ZAN: variants seen among roughly 807,000 people sequenced by gnomAD.
The protein encoded by ZAN is zonadhesin (gene/pseudogene).
Under a neutral mutation model 286.2 loss-of-function variants are expected in ZAN, and 260 were observed. The observed-to-expected ratio is 0.91, with a 90% CI of 0.82 to 1.01. The LOEUF is 1.01. Among genes scored for constraint, ZAN ranks in the 50% least tolerant of loss-of-function variants. The pLI is 0.00. For missense variants in ZAN, 3,410 were observed against 3,639.2 expected (o/e 0.94, Z 1.62); for synonymous variants, 1,368 against 1,417.5 (o/e 0.97, Z 0.79).
At position 100,775,401 on chromosome 7, in the gene ZAN, C is replaced by G; in HGVS notation, c.5853C>G (p.Asp1951Glu). The change falls in exon 32 of 48, where the codon GAC becomes GAG. Residue 1951 changes from aspartate (D) to glutamate (E), a missense_variant. By Grantham distance (45) the Asp-to-Glu change is conservative. Transcript: ENST00000613979. ...ATGGTAGTAACCATTCTATCCCGGACGCCTGCACTCTTGTCCTGGTGAAAG... is the reference window on the plus strand; with the variant it reads ...ATGGTAGTAACCATTCTATCCCGGAGGCCTGCACTCTTGTCCTGGTGAAAG... ...SFDGSNHSIP[D>E]ACTLVLVKVC... The G allele has an allele frequency of 6.2e-7, 1 of 1,613,956 alleles. No homozygotes were observed.
chr7:100,795,483 T>G (rs1812303376), intron 45 of ZAN, 147 bp downstream of exon 45: 1 of 785,344 alleles, frequency 1.3e-6, no homozygotes, highest in Non-Finnish European at 1.7e-6. Flanking sequence ...AACATAACAA[T>G]TTGTAGCTAT....
Position 100,787,995 on chromosome 7 carries a change from CG to C in ZAN, c.7087del (p.Val2363TyrfsTer29). 6.4e-7 allele frequency: 1 copy of C among 1,564,444 alleles called. No homozygotes were observed. The highest frequency in any genetic ancestry group is 8.7e-7 in the Non-Finnish European group (1 of 1,145,276). On this transcript the variant is annotated frameshift_variant, in exon 38 of 48. Coordinates refer to ENST00000613979, the MANE Select transcript of ZAN (RefSeq NM_003386.3). LOFTEE classifies it high-confidence loss of function. The part of the protein sequence containing the change: ...MTYVLIKTVD[V>X]LPEGVEPLLV... ...CCTATGTTCTGATCAAGACTGTGGACGTACTGCCTGAGGGGGTGGAGCCCCT... is the reference window on the plus strand; with the variant it reads ...CCTATGTTCTGATCAAGACTGTGGACTACTGCCTGAGGGGGTGGAGCCCCT...
chr7:100,793,864 C>T lies in ZAN; in HGVS notation c.7832C>T (p.Thr2611Ile). Residue 2611 changes from threonine to isoleucine, a missense_variant, in exon 43 of 48, where the codon ACC becomes ATC. Thr to Ile is a moderately conservative substitution (Grantham distance 89, BLOSUM62 -1). Coordinates refer to ENST00000613979, the MANE Select transcript of ZAN (RefSeq NM_003386.3). Reference sequence around the variant, plus strand: ...TACCATATATCAGAGCTGTATGACACCCTGCCCAGCATCCTGTGCCAACCT... The same window carrying T: ...TACCATATATCAGAGCTGTATGACATCCTGCCCAGCATCCTGTGCCAACCT... ...SRYHISELYD[T>I]LPSILCQPGR... The T allele has an allele frequency of 1.2e-6, 2 of 1,613,252 alleles. No homozygotes were observed. The highest frequency in any genetic ancestry group is 2.7e-5 in the African/African-American group (2 of 75,050).
rs2116268030 is a variant in ZAN, at chr7:100,784,801, T to C, written c.6801T>C (p.Cys2267=). The change falls in exon 36 of 48, where the codon TGT becomes TGC. Residue 2267 remains cysteine, a synonymous_variant. Transcript: ENST00000613979. ...SEDKCVPRSQ[C]GCKDAHGGSI... Reference sequence around the variant, plus strand: ...ACAAGTGTGTCCCCAGAAGTCAGTGTGGCTGCAAGGATGCCCATGGTGGCT... The same window carrying C: ...ACAAGTGTGTCCCCAGAAGTCAGTGCGGCTGCAAGGATGCCCATGGTGGCT... The C allele has an allele frequency of 1.2e-6, 2 of 1,608,530 alleles. No homozygotes were observed. The highest frequency in any genetic ancestry group is 8.5e-7 in the Non-Finnish European group (1 of 1,176,206).
In ZAN at chr7:100,758,097, T is replaced by G. The variant is rs1584578601; in HGVS notation, c.3310-105T>G. 50 of 484,656 alleles carry G rather than the reference T, an allele frequency of 1.0e-4. 1 individual carries two copies. The East Asian group carries it at 5.6e-3, about 54-fold the overall frequency. 30.0% of individuals were successfully genotyped at this position (484,656 alleles called of 1,614,324 possible). The stretch of plus-strand genomic sequence containing the variant: ...CAAGACTCCATCACAAATAAATAAA[T>G]AAATAAATAAATAAATAAATAAATA... On this transcript the variant is annotated intron_variant, in intron 15 of 47. Coordinates refer to ENST00000613979, the MANE Select transcript of ZAN (RefSeq NM_003386.3).
At position 100,748,174 on chromosome 7, in the gene ZAN, C is replaced by T; in HGVS notation, c.1061C>T (p.Pro354Leu). 1 of 1,613,842 alleles carries T rather than the reference C, an allele frequency of 6.2e-7. No individual in the cohort carries two copies. Among genetic ancestry groups the T allele is most frequent in the Non-Finnish European group, 8.5e-7 (1 of 1,179,866 alleles). Residue 354 changes from proline (P) to leucine (L), a missense_variant, in exon 10 of 48, where the codon CCA (proline) becomes CTA (leucine). Physicochemically the swap from Pro to Leu is moderately conservative, Grantham distance 98 (BLOSUM62 -3). Around this residue, in one of 7 missense-constraint regions of ZAN, gnomAD observed 872 missense variants for 938.9 expected, o/e 0.93. Transcript: ENST00000613979. ...VVGVFGKTPE[P>L]AVAVDATSIA... ...GGCGTTTTTGGAAAGACCCCAGAGC[C>T]AGCTGTGGCAGTTGATGCAACCAGC...
rs1812007547 is a variant in ZAN at position 100,792,071 on chromosome 7, G to A, written c.7635G>A (p.Gln2545=). ...AGCAGCTGGCGAGCAACAGCACCCA[G>A]GCCTGTAGGGTGCTGGCAGACCCCC... is the stretch of plus-strand genomic sequence containing the variant. ...SPEQLASNST[Q]ACRVLADPQG... Residue 2545 remains glutamine (Q), a synonymous_variant, in exon 41 of 48, where the codon CAG becomes CAA. Transcript: ENST00000613979. The A allele has an allele frequency of 6.2e-7, 1 of 1,613,042 alleles. No individual in the cohort carries two copies. Among genetic ancestry groups the A allele is most frequent in the Non-Finnish European group, 8.5e-7 (1 of 1,179,778 alleles).
intron 36 of ZAN, among the ~76,000 whole-genome samples, chr7:100,785,427 C>T (rs1811496962): frequency 6.6e-6 from 1 of 151,986 alleles, no homozygotes; most frequent in Non-Finnish European, 1.5e-5. Flanking sequence ...GATTGGGTTT[C>T]ACCATGTTGG....
chr7:100,750,578 T>A (rs761686197), intron 11 of ZAN, 47 bp from the exon 12 acceptor site: 20 of 1,596,684 alleles, frequency 1.3e-5, no homozygotes, highest in Non-Finnish European at 1.7e-5. Flanking sequence ...GCAGTTGGCA[T>A]GTCCTGTGCA....
rs1304941705 is a variant in ZAN, at chr7:100,786,025, G to C, written c.6863G>C (p.Cys2288Ser). 5 of 1,613,934 alleles carry C rather than the reference G, an allele frequency of 3.1e-6. No homozygotes were observed. The highest frequency in any genetic ancestry group is 3.4e-6 in the Non-Finnish European group (4 of 1,179,898). The stretch of plus-strand genomic sequence containing the variant: ...GGCAAGAGCTGGGTCTCCAGCGGTT[G>C]CACGGAGAAGTGTGTCTGCACGGGA... ...PLGKSWVSSG[C>S]TEKCVCTGGA... is the part of the protein sequence containing the mutation. The change falls in exon 37 of 48, where the codon TGC becomes TCC. Residue 2288 changes from cysteine (C) to serine (S), a missense_variant. Around this residue, in one of 7 missense-constraint regions of ZAN, gnomAD observed 1,289 missense variants for 1,314.3 expected, o/e 0.98. Coordinates refer to ENST00000613979, the MANE Select transcript of ZAN (RefSeq NM_003386.3).
chr7:100,748,266 G>T, intron 10 of ZAN, 51 bp downstream of exon 10: 3 of 1,613,834 alleles, frequency 1.9e-6, no homozygotes, highest in South Asian at 1.1e-5. Context: ...GGGGTGGGCT[G>T]GGGGAGGGCT....
chr7:100,788,852 C>G (rs1431403273), intron 38 of ZAN, among the ~76,000 whole-genome samples: 2 of 152,122 alleles, frequency 1.3e-5, no homozygotes, highest in Non-Finnish European at 2.9e-5. Flanking sequence ...GTGTGCACCA[C>G]CATGTCTGGC....
chr7:100,774,718 C>A (rs926958824), intron 31 of ZAN, among the ~76,000 whole-genome samples: 1 of 151,194 alleles, frequency 6.6e-6, no homozygotes, highest in Non-Finnish European at 1.5e-5. Context: ...CCCAGATACT[C>A]TGGAGGCTGA....
At position 100,758,085 on chromosome 7, in the gene ZAN, C is replaced by CAAATAAATAAAT. The variant is rs71517126; in HGVS notation, c.3310-84_3310-73dup. ...TGGGCAACAGAGCAAGACTCCATCA[C>CAAATAAATAAAT]AAATAAATAAATAAATAAATAAATA... On this transcript the variant is annotated intron_variant, in intron 15 of 47. Transcript: ENST00000613979. 8.6e-4 allele frequency: 682 copies of CAAATAAATAAAT among 795,848 alleles called. 13 individuals carry two copies. In the Admixed American group the frequency reaches 0.022, roughly 26 times the overall value. 49.3% of individuals were successfully genotyped at this position (795,848 alleles called of 1,614,324 possible). A position where few individuals can be genotyped will look rare whatever the true frequency, so the allele number is the denominator to read the frequency against.
At chr7:100,744,448 A>G (rs1246053685) in intron 7 of ZAN, among the ~76,000 whole-genome samples, 1 of 150,580 alleles carries the variant, frequency 6.6e-6, no homozygotes, top group African/African-American at 2.5e-5. Flanking sequence ...AAATACAAAA[A>G]ATTAGCTGGG....
intron 27 of ZAN, among the ~76,000 whole-genome samples, 175 bp from the exon 28 acceptor site, chr7:100,769,705 C>T (rs766170669): frequency 2.7e-4 from 41 of 152,012 alleles, no homozygotes; most frequent in East Asian, 5.8e-4. Context: ...CCACCACGCC[C>T]GGCTAATTTT....
intron 15 of ZAN, among the ~76,000 whole-genome samples, chr7:100,756,272 T>C (rs574435163): frequency 1.3e-5 from 2 of 152,154 alleles, no homozygotes; most frequent in South Asian, 2.1e-4. Flanking sequence ...TAATTAAAAG[T>C]GCATTAAAGG....
intron 15 of ZAN, among the ~76,000 whole-genome samples, 170 bp from the exon 16 acceptor site, chr7:100,758,032 G>A (rs1809270647): frequency 6.6e-6 from 1 of 151,490 alleles, no homozygotes; most frequent in African/African-American, 2.4e-5. Context: ...GCTGCAGTGA[G>A]CCATGATTGC....
chr7:100,762,417 C>CTATTT, intron 20 of ZAN, 59 bp downstream of exon 20: 1 of 1,063,506 alleles, frequency 9.4e-7, no homozygotes, highest in Non-Finnish European at 1.2e-6. Context: ...TCCTGGAACT[C>CTATTT]TCTTTTTTTT....
Sources: allele counts gnomAD v4.1 joint callset (sites outside exome capture counted in the v4.1 genomes callset), GRCh38; gene constraint gnomAD v4.1.1; regional missense constraint gnomAD v4.1.1; transcripts MANE v1.5; gene names NCBI Gene and HGNC (gene_info 2026-07-23, HGNC 2026-07-21).